The following CDC23 variants were observed in gnomAD, a reference collection of about 807,000 sequenced individuals.
CDC23 encodes the protein cell division cycle 23.
Under a neutral mutation model 81.7 loss-of-function variants are expected in CDC23, and 26 were observed. The observed-to-expected ratio is 0.32, with a 90% CI of 0.23 to 0.44. The LOEUF (loss-of-function observed/expected upper bound fraction) is 0.44. Ranked by LOEUF, CDC23 falls within the 20% of genes least tolerant of loss-of-function variation. CDC23 has a pLI of 1.00. For synonymous variants in CDC23, 267 were observed against 270.8 expected (o/e 0.99, Z 0.14); for missense variants, 519 against 728.0 (o/e 0.71, Z 3.30).
At chr5:138,211,270 C>T (rs749820547) in intron 2 of CDC23, among the ~76,000 whole-genome samples, 2 of 152,180 alleles carry the variant, frequency 1.3e-5, no homozygotes, top group Admixed American at 6.5e-5. Flanking sequence ...GAAATAGAAA[C>T]CCAAATACAG....
At chr5:138,206,754 T>C in intron 2 of CDC23, 70 bp from the exon 3 acceptor site, 1 of 1,430,542 alleles carries the variant, frequency 7.0e-7, no homozygotes, top group South Asian at 1.3e-5. Context: ...AAAAAGTATA[T>C]TCGTTAATTT....
chr5:138,192,744 G>T, intron 9 of CDC23, 87 bp from the exon 10 acceptor site: 1 of 1,205,032 alleles, frequency 8.3e-7, no homozygotes, highest in Non-Finnish European at 1.2e-6. Context: ...CCAAATGGGC[G>T]TGAAACCATA....
At chr5:138,207,481 T>C (rs1755064442) in intron 2 of CDC23, among the ~76,000 whole-genome samples, 1 of 152,192 alleles carries the variant, frequency 6.6e-6, no homozygotes, top group South Asian at 2.1e-4. Flanking sequence ...TATCCAGCAT[T>C]AATACTGGCA....
At chr5:138,209,329 G>T (rs983998691) in intron 2 of CDC23, among the ~76,000 whole-genome samples, 2 of 151,724 alleles carry the variant, frequency 1.3e-5, no homozygotes, top group African/African-American at 4.8e-5. Flanking sequence ...TTGGGAGGCT[G>T]AGGAAGGAGA....
Position 138,198,829 on chromosome 5 carries a change from C to T in CDC23, c.655-47G>A, listed in dbSNP as rs758113638. 3.2e-6 allele frequency: 5 copies of T among 1,558,272 alleles called. No homozygotes were observed. The South Asian group carries it at 4.8e-5, about 15-fold the overall frequency. ...ACACACTTAATATAACTTGACCTCT[C>T]TCTCAAACAAACATCCAGGAACTAT... On this transcript the variant is annotated intron_variant, in intron 6 of 15. Coordinates refer to ENST00000394886, the MANE Select transcript of CDC23 (RefSeq NM_004661.4).
At position 138,189,165 on chromosome 5, in the gene CDC23, G is replaced by A. The variant is rs772728099; in HGVS notation, c.1624-17C>T. On this transcript the variant is annotated splice_polypyrimidine_tract_variant and intron_variant, in intron 15 of 15. Coordinates refer to ENST00000394886, the MANE Select transcript of CDC23 (RefSeq NM_004661.4). Reference sequence around the variant, plus strand: ...TTCCCGGGTCTGCAACAAAGTCAGGGAAATGTTTCAAAACATGTCCAAAGC... The same window carrying A: ...TTCCCGGGTCTGCAACAAAGTCAGGAAAATGTTTCAAAACATGTCCAAAGC... 1.2e-4 allele frequency: 188 copies of A among 1,609,484 alleles called. 1 individual carries two copies. The highest frequency in any genetic ancestry group is 1.2e-3 in the Middle Eastern group (7 of 6,048).
At chr5:138,206,032 T>A (rs1206601098) in intron 3 of CDC23, 2 of 153,530 alleles carry the variant, frequency 1.3e-5, no homozygotes, top group Non-Finnish European at 2.9e-5. Flanking sequence ...AATGTTTTTT[T>A]AATCAATTTA....
Position 138,196,442 on chromosome 5 carries a change from C to T in CDC23, c.1012+1757G>A, listed in dbSNP as rs182824350. 4.6e-3 allele frequency among the ~76,000 whole-genome samples: 697 copies of T among 151,764 alleles called. 8 individuals carry two copies. The highest frequency in any genetic ancestry group is 0.015 in the African/African-American group (636 of 41,386). ...AGTAGCTGGGATTACAGGTGCCTGC[C>T]ACCACGCCTAGCTAATTTTTGTATT... On this transcript the variant is annotated intron_variant, in intron 9 of 15. Transcript: ENST00000394886.
At chr5:138,190,383 G>A (rs1754812829) in intron 13 of CDC23, among the ~76,000 whole-genome samples, 1 of 151,478 alleles carries the variant, frequency 6.6e-6, no homozygotes, top group African/African-American at 2.4e-5. Flanking sequence ...GCTTTAACTT[G>A]GAAGGTGGAG....
chr5:138,194,402 CAG>C (rs1194294807), intron 9 of CDC23, among the ~76,000 whole-genome samples: 1 of 152,082 alleles, frequency 6.6e-6, no homozygotes, highest in African/African-American at 2.4e-5. Context: ...AGCCTGGTGA[CAG>C]AGAGAGACCG....
Position 138,201,336 on chromosome 5 carries a change from C to A in CDC23, c.521+7G>T. On this transcript the variant is annotated splice_region_variant and intron_variant, in intron 5 of 15. Transcript: ENST00000394886. Reference sequence around the variant, plus strand: ...TACAGAAAGTTCCAAATTACTGTAACACTTACAGATAAAGTCCAAATCCAT... The same window carrying A: ...TACAGAAAGTTCCAAATTACTGTAAAACTTACAGATAAAGTCCAAATCCAT... The A allele has an allele frequency of 1.2e-6, 2 of 1,613,500 alleles. No homozygotes were observed. Among genetic ancestry groups the A allele is most frequent in the Non-Finnish European group, 1.7e-6 (2 of 1,179,498 alleles).
At chr5:138,190,836 C>T (rs1189510486) in intron 13 of CDC23, among the ~76,000 whole-genome samples, 1 of 150,734 alleles carries the variant, frequency 6.6e-6, no homozygotes. Context: ...TCAAGACCAA[C>T]CTGGTCATCA....
At chr5:138,211,834 C>A (rs1439776869) in intron 2 of CDC23, among the ~76,000 whole-genome samples, 1 of 152,126 alleles carries the variant, frequency 6.6e-6, no homozygotes, top group Non-Finnish European at 1.5e-5. Context: ...ATTATTTATC[C>A]TATTCAGGAC....
At position 138,189,813 on chromosome 5, in the gene CDC23, T is replaced by C. The variant is rs1754806218; in HGVS notation, c.1503+15A>G. 1 of 1,613,700 alleles carries C rather than the reference T, an allele frequency of 6.2e-7. No individual in the cohort carries two copies. The highest frequency in any genetic ancestry group is 8.5e-7 in the Non-Finnish European group (1 of 1,179,620). On this transcript the variant is annotated intron_variant, in intron 14 of 15. Coordinates refer to ENST00000394886, the MANE Select transcript of CDC23 (RefSeq NM_004661.4). ...AATAATATCAGCAGTACAATTCTCATGGTATGATACATACCCCACAGGAAT... is the reference window on the plus strand; with the variant it reads ...AATAATATCAGCAGTACAATTCTCACGGTATGATACATACCCCACAGGAAT...
chr5:138,212,479 C>T (rs868566683), intron 2 of CDC23, among the ~76,000 whole-genome samples: 1 of 151,952 alleles, frequency 6.6e-6, no homozygotes, highest in African/African-American at 2.4e-5. Flanking sequence ...CCACCATGTC[C>T]GGCTAATTTT....
At chr5:138,189,960 A>G (rs933642056) in intron 13 of CDC23, 54 bp from the exon 14 acceptor site, 1 of 1,527,710 alleles carries the variant, frequency 6.5e-7, no homozygotes, top group East Asian at 2.2e-5. Context: ...CAACTTAGTG[A>G]TAAAAAAAGT....
At chr5:138,202,253 C>A in intron 3 of CDC23, 98 bp from the exon 4 acceptor site, 1 of 786,362 alleles carries the variant, frequency 1.3e-6, no homozygotes, top group Non-Finnish European at 2.1e-6. Flanking sequence ...CAAGTTCAAC[C>A]AAAATGGCAT....
At chr5:138,205,628 G>T (rs1313363941) in intron 3 of CDC23, among the ~76,000 whole-genome samples, 1 of 151,070 alleles carries the variant, frequency 6.6e-6, no homozygotes, top group Non-Finnish European at 1.5e-5. Context: ...GGTGGTGATG[G>T]TTGCACATTA....
At chr5:138,209,430 A>AG (rs1755088617) in intron 2 of CDC23, among the ~76,000 whole-genome samples, 2 of 151,078 alleles carry the variant, frequency 1.3e-5, no homozygotes, top group South Asian at 4.1e-4. Flanking sequence ...TCAAAAAAAA[A>AG]AAAAGAAAAG....
Sources: allele counts gnomAD v4.1 joint callset (sites outside exome capture counted in the v4.1 genomes callset), GRCh38; gene constraint gnomAD v4.1.1; transcripts MANE v1.5; gene names NCBI Gene and HGNC (gene_info 2026-07-23, HGNC 2026-07-21).